CAPN8: variants seen among roughly 807,000 people sequenced by gnomAD.
CAPN8 encodes the protein calpain 8, also known as calpain-8.
CAPN8 carries 87 observed loss-of-function variants against 80.9 expected under a neutral mutation model. The observed-to-expected ratio is 1.07, with a 90% confidence interval of 0.90 to 1.28. The LOEUF (loss-of-function observed/expected upper bound fraction) is 1.28, where lower values mean the gene tolerates loss of function less well. Among genes scored for constraint, CAPN8 ranks in the 50% most tolerant of loss-of-function variants. CAPN8 has a pLI of 0.00. For missense variants in CAPN8, 757 were observed against 702.0 expected, an observed-to-expected ratio of 1.08 and a Z score of -0.89; for synonymous variants, 299 against 273.8, an observed-to-expected ratio of 1.09 and a Z score of -0.91.
At chr1:223,542,978 C>A (rs1656509347) in intron 20 of CAPN8, 130 bp downstream of exon 20, 2 of 953,632 alleles carry the variant, frequency 2.1e-6, no homozygotes, top group South Asian at 1.7e-5. Context: ...TGGGTGCCTG[C>A]CACAGAACAT....
intron 2 of CAPN8, among the ~76,000 whole-genome samples, chr1:223,648,500 T>A (rs916173195): frequency 6.6e-6 from 1 of 152,192 alleles, no homozygotes; most frequent in Non-Finnish European, 1.5e-5. Flanking sequence ...AAAGTGATCT[T>A]AAAGATGCTG....
chr1:223,619,188 T>G, intron 9 of CAPN8, 105 bp downstream of exon 9: 1 of 1,351,514 alleles, frequency 7.4e-7, no homozygotes. Flanking sequence ...AGCAAGGCCC[T>G]GTCTCAAAAA....
intron 2 of CAPN8, among the ~76,000 whole-genome samples, chr1:223,648,131 T>G (rs888688211): frequency 6.6e-6 from 1 of 152,170 alleles, no homozygotes; most frequent in African/African-American, 2.4e-5. Context: ...GACCCTTTGT[T>G]CAGAGTAGAA....
intron 4 of CAPN8, 53 bp from the exon 5 acceptor site, chr1:223,627,210 C>CTT: frequency 6.5e-7 from 1 of 1,534,872 alleles, no homozygotes; most frequent in East Asian, 2.5e-5. Context: ...CAAGGAGACC[C>CTT]GGGGATTGGG....
At chr1:223,622,550 T>C in intron 7 of CAPN8, 1 of 519,224 alleles carries the variant, frequency 1.9e-6, no homozygotes, top group South Asian at 2.4e-5. Flanking sequence ...ACAAAAACCT[T>C]TCAGCGCAAA....
rs148633441 is a variant in CAPN8, at chr1:223,618,999, G to A, written c.1135+294C>T. Among the ~76,000 whole-genome samples, 263 of 152,294 alleles carry A rather than the reference G, an allele frequency of 1.7e-3. 2 individuals carry two copies. Among genetic ancestry groups the A allele is most frequent in the African/African-American group, 6.1e-3 (255 of 41,566 alleles). On this transcript the variant is annotated intron_variant, in intron 9 of 20. Coordinates refer to ENST00000366872, the MANE Select transcript of CAPN8 (RefSeq NM_001143962.2). Reference sequence around the variant, plus strand: ...GAGCCTAGGAGCTCGAGACCAGCCTGGGCAACATGGTGAGACCCTGTCTCT... The same window carrying A: ...GAGCCTAGGAGCTCGAGACCAGCCTAGGCAACATGGTGAGACCCTGTCTCT...
At chr1:223,648,217 G>A (rs1202658789) in intron 2 of CAPN8, among the ~76,000 whole-genome samples, 3 of 152,228 alleles carry the variant, frequency 2.0e-5, no homozygotes, top group Admixed American at 6.5e-5. Flanking sequence ...ACGATGCGCC[G>A]ATGCGCCGCG....
At position 223,615,976 on chromosome 1, in the gene CAPN8, G is replaced by C; in HGVS notation, c.1305C>G (p.Val435=). 6.4e-7 allele frequency: 1 copy of C among 1,552,244 alleles called. No individual in the cohort carries two copies. The highest frequency in any genetic ancestry group is 8.7e-7 in the Non-Finnish European group (1 of 1,147,106). The change falls in exon 10 of 21, where the codon GTC becomes GTG. Residue 435 remains valine, a synonymous_variant. Transcript: ENST00000366872. ...AAACCCAGCACAGCAGTACCTGGTAGACGGCATAGCCGATGCTAAGCATGC... is the reference window on the plus strand; with the variant it reads ...AAACCCAGCACAGCAGTACCTGGTACACGGCATAGCCGATGCTAAGCATGC... ...GQGMLSIGYA[V]YQVPKELESH...
chr1:223,557,674 C>G (rs908246077), intron 13 of CAPN8, among the ~76,000 whole-genome samples: 47 of 152,226 alleles, frequency 3.1e-4, no homozygotes, highest in African/African-American at 1.1e-3. Context: ...ACTAGGCACT[C>G]CCCCAGCACC....
chr1:223,543,361 G>T (rs1360289717), intron 19 of CAPN8, among the ~76,000 whole-genome samples, 195 bp from the exon 20 acceptor site: 1 of 152,048 alleles, frequency 6.6e-6, no homozygotes, highest in African/African-American at 2.4e-5. Flanking sequence ...GCTTTTGGGG[G>T]ATCAGATGCC....
intron 12 of CAPN8, 57 bp from the exon 13 acceptor site, chr1:223,558,224 G>T: frequency 2.5e-6 from 1 of 398,460 alleles, no homozygotes; most frequent in Non-Finnish European, 4.4e-6. Flanking sequence ...TACAGCTAAT[G>T]GCTGGGTTGT....
intron 10 of CAPN8, 34 bp from the exon 11 acceptor site, chr1:223,612,291 G>A: frequency 1.6e-6 from 2 of 1,234,212 alleles, no homozygotes; most frequent in Admixed American, 4.2e-5. Context: ...GGTCACCTGA[G>A]AGCTCCAAGG....
intron 9 of CAPN8, among the ~76,000 whole-genome samples, chr1:223,616,638 A>C (rs1472626073): frequency 6.6e-6 from 1 of 152,202 alleles, no homozygotes; most frequent in Non-Finnish European, 1.5e-5. Flanking sequence ...TCTCCGTGAC[A>C]CTATTAAGAC....
At chr1:223,652,343 AAT>A (rs370424221) in intron 2 of CAPN8, among the ~76,000 whole-genome samples, 5 of 150,798 alleles carry the variant, frequency 3.3e-5, no homozygotes, top group Non-Finnish European at 4.4e-5. Context: ...CCCTGTCTCA[AAT>A]ATATATATAT....
intron 7 of CAPN8, 55 bp downstream of exon 7, chr1:223,622,759 AC>A (rs1657440085): frequency 1.5e-6 from 2 of 1,359,240 alleles, no homozygotes; most frequent in African/African-American, 2.9e-5. Flanking sequence ...TGTGTTTTAC[AC>A]GACACCCTTC....
At chr1:223,628,531 A>C in intron 3 of CAPN8, 131 bp downstream of exon 3, 1 of 678,792 alleles carries the variant, frequency 1.5e-6, no homozygotes, top group Non-Finnish European at 2.5e-6. Flanking sequence ...AGTGTGCATC[A>C]GAGTCACCTA....
chr1:223,631,701 C>G (rs1217869946), intron 2 of CAPN8, among the ~76,000 whole-genome samples: 1 of 152,194 alleles, frequency 6.6e-6, no homozygotes, highest in African/African-American at 2.4e-5. Flanking sequence ...CTCAGCCTCC[C>G]AAGTCTGTGG....
chr1:223,626,289 C>A (rs952557208), intron 5 of CAPN8, among the ~76,000 whole-genome samples: 3 of 152,142 alleles, frequency 2.0e-5, no homozygotes, highest in Non-Finnish European at 4.4e-5. Flanking sequence ...TTCCTCAGCA[C>A]CCCCTCTCCC....
At chr1:223,658,724 T>TG (rs1411450482) in intron 1 of CAPN8, among the ~76,000 whole-genome samples, 3 of 152,122 alleles carry the variant, frequency 2.0e-5, no homozygotes, top group African/African-American at 7.2e-5. Context: ...AAGAATTGTT[T>TG]GAAACCAGGA....
Sources: gnomAD v4.1 joint callset for allele counts (sites outside exome capture counted in the v4.1 genomes callset) on GRCh38, gnomAD v4.1.1 for gene constraint, MANE v1.5 for transcripts, NCBI Gene and HGNC (gene_info 2026-07-23, HGNC 2026-07-21) for gene names.